The following PHF12 variants were observed in gnomAD, a reference collection of about 807,000 sequenced individuals.
PHF12 encodes PHD factor 1.
PHF12 carries 6 observed loss-of-function variants against 99.8 expected under a neutral mutation model. That is an observed-to-expected ratio of 0.06 (90% CI 0.03 to 0.12). The LOEUF (loss-of-function observed/expected upper bound fraction) is 0.12. PHF12 is among the 10% of genes least tolerant of loss of function. The probability of loss-of-function intolerance (pLI) is 1.00; values close to 1 mark genes in which losing one functional copy is unlikely to be tolerated. For synonymous variants in PHF12, 480 were observed against 514.9 expected, an observed-to-expected ratio of 0.93 and a Z score of 0.92; for missense variants, 954 against 1,300.1, an observed-to-expected ratio of 0.73 and a Z score of 4.09.
chr17:28,909,754 G>A (rs2039927489), intron 11 of PHF12: 1 of 328,554 alleles, frequency 3.0e-6, no homozygotes, highest in Non-Finnish European at 5.7e-6. Context: ...CCATGCCTGG[G>A]TAAGTTTAAA....
chr17:28,914,009 T>C lies in PHF12; in HGVS notation c.1163A>G (p.Gln388Arg), dbSNP rs773131179. Residue 388 changes from glutamine (Q) to arginine (R), a missense_variant, in exon 8 of 15, where the codon CAG becomes CGG. Coordinates refer to ENST00000332830, the MANE Select transcript of PHF12 (RefSeq NM_001033561.2). ...GGGTGCAATGAGAGGGGGTGGAAAC[T>C]GGTACTGAGATTTTATAGCATCAGG... ...KVPDAIKSQYQFPPPLIAPAA... is the reference protein window; with the variant it reads ...KVPDAIKSQYRFPPPLIAPAA... The C allele has an allele frequency of 1.9e-6, 3 of 1,612,672 alleles. No individual in the cohort carries two copies. In the South Asian group the frequency reaches 3.3e-5, roughly 18 times the overall value.
At chr17:28,921,558 T>A in intron 5 of PHF12, 130 bp downstream of exon 5, 1 of 1,189,772 alleles carries the variant, frequency 8.4e-7, no homozygotes, top group African/African-American at 1.5e-5. Flanking sequence ...CATTAGTTAG[T>A]CTCCATGTAC....
Position 28,912,601 on chromosome 17 carries a change from G to A in PHF12, c.1970C>T (p.Ser657Leu), listed in dbSNP as rs780449375. ...GTTTGGGGGTGAGCCCAGTGGCCTT[G>A]AATCTGTCAACGGAGGTCCTATCTG... is the stretch of plus-strand genomic sequence containing the variant. ...QSQIGPPLTDSRPLGSPPNAT... is the reference protein window; with the variant it reads ...QSQIGPPLTDLRPLGSPPNAT... The change falls in exon 9 of 15, where the codon TCA becomes TTA. Residue 657 changes from serine to leucine, a missense_variant. Physicochemically the swap from Ser to Leu is moderately radical, Grantham distance 145. Coordinates refer to ENST00000332830, the MANE Select transcript of PHF12 (RefSeq NM_001033561.2). 6 of 1,614,212 alleles carry A rather than the reference G, an allele frequency of 3.7e-6. No individual in the cohort carries two copies. Among genetic ancestry groups the A allele is most frequent in the Non-Finnish European group, 5.1e-6 (6 of 1,180,038 alleles).
chr17:28,923,653 C>CAA (rs35263191), intron 4 of PHF12, among the ~76,000 whole-genome samples: 3,445 of 42,750 alleles, frequency 0.081, 296 homozygotes, highest in South Asian at 0.17. Context: ...GTGAGACTCA[C>CAA]AAAAAAAAAA....
chr17:28,907,074 A>G, intron 13 of PHF12, 80 bp from the exon 14 acceptor site: 1 of 1,465,828 alleles, frequency 6.8e-7, no homozygotes, highest in Non-Finnish European at 9.2e-7. Flanking sequence ...CATATGGAGA[A>G]GGCCGTGCTA....
intron 2 of PHF12, among the ~76,000 whole-genome samples, chr17:28,928,838 T>G (rs2040334109): frequency 6.6e-6 from 1 of 151,174 alleles, no homozygotes; most frequent in South Asian, 2.1e-4. Flanking sequence ...TGGCTTACAC[T>G]TGTAATCCCA....
At chr17:28,936,419 C>G (rs1256155497) in intron 2 of PHF12, among the ~76,000 whole-genome samples, 1 of 152,170 alleles carries the variant, frequency 6.6e-6, no homozygotes, top group African/African-American at 2.4e-5. Context: ...ACTCCATTTT[C>G]TCTTTCTGGA....
chr17:28,951,368 G>C lies in PHF12; in HGVS notation c.-408C>G. The C allele has an allele frequency of 1.0e-6, 1 of 985,426 alleles. No homozygotes were observed. Among genetic ancestry groups the C allele is most frequent in the Middle Eastern group, 5.1e-4 (1 of 1,958 alleles). 61.0% of individuals were successfully genotyped at this position (985,426 alleles called of 1,614,324 possible). A position where few individuals can be genotyped will look rare whatever the true frequency, so the allele number is the denominator to read the frequency against. On this transcript the variant is annotated 5_prime_UTR_variant, in exon 1 of 15. Coordinates refer to ENST00000332830, the MANE Select transcript of PHF12 (RefSeq NM_001033561.2). ...GTTACGTGAGGTTGTGGTACGTGAGGTGACTGGGGGGAGGGTGATGGGGGG... is the reference window on the plus strand; with the variant it reads ...GTTACGTGAGGTTGTGGTACGTGAGCTGACTGGGGGGAGGGTGATGGGGGG...
intron 5 of PHF12, 57 bp from the exon 6 acceptor site, chr17:28,919,332 C>CAAAA: frequency 6.3e-7 from 1 of 1,576,964 alleles, no homozygotes; most frequent in Non-Finnish European, 8.6e-7. Context: ...TTCAAACTAA[C>CAAAA]TTTGACCTGT....
intron 2 of PHF12, among the ~76,000 whole-genome samples, chr17:28,936,326 T>C (rs2152674556): frequency 6.6e-6 from 1 of 151,890 alleles, no homozygotes; most frequent in East Asian, 1.9e-4. Flanking sequence ...GAGCGGGGGA[T>C]GGGGGAATAA....
chr17:28,918,393 G>A (rs907687469), intron 6 of PHF12, among the ~76,000 whole-genome samples: 1 of 152,200 alleles, frequency 6.6e-6, no homozygotes, highest in Non-Finnish European at 1.5e-5. Context: ...TGACTGGCAT[G>A]AGTCAAAAGA....
Position 28,950,015 on chromosome 17 carries a change from G to A in PHF12, c.248+50C>T, listed in dbSNP as rs756846492. On this transcript the variant is annotated intron_variant, in intron 2 of 14. Coordinates refer to ENST00000332830, the MANE Select transcript of PHF12 (RefSeq NM_001033561.2). This position sits in a 1 kb window ranked among gnomAD's most constrained non-coding sequence, Gnocchi z 5.7. ...TCAGGGGCAGGCCGGGTGAAGGAAT[G>A]CGCAGAGAAGGGTCCGCCAAGAAGC... The A allele has an allele frequency of 2.0e-6, 3 of 1,500,970 alleles. No individual in the cohort carries two copies. The highest frequency in any genetic ancestry group is 1.3e-5 in the South Asian group (1 of 79,090). The allele number at this position is 1,500,970 out of a possible 1,614,324, so 93.0% of individuals were successfully genotyped here. A position where few individuals can be genotyped will look rare whatever the true frequency, so the allele number is the denominator to read the frequency against.
chr17:28,914,629 G>C (rs1334923500), intron 7 of PHF12, among the ~76,000 whole-genome samples: 1 of 128,742 alleles, frequency 7.8e-6, no homozygotes. Flanking sequence ...CCGAGATAGG[G>C]CCACTGCAGT....
In PHF12 at chr17:28,913,952, T is replaced by C. The variant is rs148658528; in HGVS notation, c.1220A>G (p.Asn407Ser). 181 of 1,613,828 alleles carry C rather than the reference T, an allele frequency of 1.1e-4. No homozygotes were observed. Among genetic ancestry groups the C allele is most frequent in the African/African-American group, 1.0e-3 (78 of 74,964 alleles). The change falls in exon 8 of 15, where the codon AAT (asparagine) becomes AGT (serine). Residue 407 changes from asparagine (N) to serine (S), a missense_variant. Coordinates refer to ENST00000332830, the MANE Select transcript of PHF12 (RefSeq NM_001033561.2). ...AAIRDGELIC[N>S]GIPEESQMHL... ...CATCTGTGATTCCTCAGGGATCCCA[T>C]TGCAGATCAGCTCCCCGTCCCGAAT... is the stretch of plus-strand genomic sequence containing the variant.
At position 28,951,244 on chromosome 17, in the gene PHF12, C is replaced by T. The variant is rs543898174; in HGVS notation, c.-284G>A. 25,724 of 1,298,084 alleles carry T rather than the reference C, an allele frequency of 0.02. 312 individuals carry two copies. Among genetic ancestry groups the T allele is most frequent in the Middle Eastern group, 0.024 (79 of 3,348 alleles). The allele number at this position is 1,298,084 out of a possible 1,614,324, so 80.4% of individuals were successfully genotyped here. A position where few individuals can be genotyped will look rare whatever the true frequency, so the allele number is the denominator to read the frequency against. ...GGGTCAGGCCTCGGCGGGGCCTAGTCCCACAGGCTAAAGCCGGCACTGGCG... is the reference window on the plus strand; with the variant it reads ...GGGTCAGGCCTCGGCGGGGCCTAGTTCCACAGGCTAAAGCCGGCACTGGCG... On this transcript the variant is annotated 5_prime_UTR_variant, in exon 1 of 15. Coordinates refer to ENST00000332830, the MANE Select transcript of PHF12 (RefSeq NM_001033561.2).
At chr17:28,929,527 G>T (rs1181923684) in intron 2 of PHF12, among the ~76,000 whole-genome samples, 1 of 152,200 alleles carries the variant, frequency 6.6e-6, no homozygotes, top group East Asian at 1.9e-4. Context: ...GTACAGGCGT[G>T]AGCCACTGTG....
chr17:28,915,055 G>A (rs924309901), intron 7 of PHF12, among the ~76,000 whole-genome samples: 1 of 152,150 alleles, frequency 6.6e-6, no homozygotes, highest in African/African-American at 2.4e-5. Context: ...GCATGTCTAA[G>A]GTGCTATTAA....
Position 28,923,972 on chromosome 17 carries a change from T to C in PHF12, c.652A>G (p.Met218Val). ...RPFELLIAAA[M>V]ERNPTQFQLP... ...TGAAATTGGGTGGGGTTCCGCTCCATGGCGGCAGCAATCAGCAGCTCAAAG... is the reference window on the plus strand; with the variant it reads ...TGAAATTGGGTGGGGTTCCGCTCCACGGCGGCAGCAATCAGCAGCTCAAAG... The change falls in exon 4 of 15, where the codon ATG becomes GTG. Residue 218 changes from methionine (M) to valine (V), a missense_variant. This residue lies in a region of PHF12 where 85 missense variants were observed against 196.6 expected (regional missense o/e 0.43). Transcript: ENST00000332830. 1 of 1,613,946 alleles carries C rather than the reference T, an allele frequency of 6.2e-7. No homozygotes were observed. Among genetic ancestry groups the C allele is most frequent in the Non-Finnish European group, 8.5e-7 (1 of 1,180,006 alleles).
At chr17:28,911,495 G>A (rs2039960122) in intron 9 of PHF12, 1 of 433,286 alleles carries the variant, frequency 2.3e-6, no homozygotes. Flanking sequence ...GAAAGTGGTG[G>A]GGCAGCTTCA....
Sources: gnomAD v4.1 joint callset for allele counts (sites outside exome capture counted in the v4.1 genomes callset) on GRCh38, gnomAD v4.1.1 for gene constraint, gnomAD v4.1.1 regional missense constraint, Gnocchi (gnomAD v3.1) non-coding constraint, MANE v1.5 for transcripts, NCBI Gene and HGNC (gene_info 2026-07-23, HGNC 2026-07-21) for gene names.